STAG1: variants seen among roughly 807,000 people sequenced by gnomAD.
STAG1 encodes the protein cohesin subunit SA-1.
A neutral mutation model predicts 170.9 loss-of-function variants in STAG1; 26 were observed. The observed-to-expected ratio is 0.15, with a 90% CI of 0.11 to 0.21. STAG1 has a LOEUF of 0.21. Ranked by LOEUF, STAG1 falls within the 10% of genes least tolerant of loss-of-function variation. STAG1 has a pLI of 1.00. For synonymous variants in STAG1, 514 were observed against 497.7 expected, an observed-to-expected ratio of 1.03 and a Z score of -0.44; for missense variants, 964 against 1,509.5, an observed-to-expected ratio of 0.64 and a Z score of 5.99.
intron 4 of STAG1, among the ~76,000 whole-genome samples, chr3:136,589,094 A>G (rs1375075699): frequency 6.6e-6 from 1 of 151,834 alleles, no homozygotes; most frequent in Non-Finnish European, 1.5e-5. Context: ...TTTCACCACA[A>G]TGGTCAGACT....
chr3:136,745,335 G>A (rs974157324), intron 1 of STAG1, among the ~76,000 whole-genome samples: 1 of 152,116 alleles, frequency 6.6e-6, no homozygotes, highest in African/African-American at 2.4e-5. Context: ...CAAACGGGGG[G>A]CAGGGAAGAA....
chr3:136,423,074 T>A, intron 16 of STAG1, 30 bp from the exon 17 acceptor site: 2 of 1,461,438 alleles, frequency 1.4e-6, no homozygotes, highest in South Asian at 1.2e-5. Context: ...AGAAGAAGAG[T>A]ATTGTGTTAA....
chr3:136,499,608 A>T (rs1933356388), intron 9 of STAG1, among the ~76,000 whole-genome samples: 2 of 152,212 alleles, frequency 1.3e-5, no homozygotes, highest in Non-Finnish European at 2.9e-5. Flanking sequence ...CTCAATGTAA[A>T]ATATGCTCTT....
intron 15 of STAG1, among the ~76,000 whole-genome samples, chr3:136,439,386 C>T (rs950704515): frequency 3.5e-4 from 42 of 121,618 alleles, no homozygotes; most frequent in South Asian, 5.3e-4. Context: ...TAAAACACCC[C>T]CCGACACACA....
At chr3:136,691,371 C>T (rs1942716110) in intron 1 of STAG1, among the ~76,000 whole-genome samples, 1 of 151,302 alleles carries the variant, frequency 6.6e-6, no homozygotes, top group Non-Finnish European at 1.5e-5. Flanking sequence ...GGAGGTGGAG[C>T]TTGCGGTGAG....
intron 6 of STAG1, among the ~76,000 whole-genome samples, chr3:136,527,882 G>A (rs892033175): frequency 4.6e-5 from 7 of 152,160 alleles, no homozygotes; most frequent in East Asian, 1.9e-4. Context: ...TATCAGCAGC[G>A]GATGCTGCAG....
intron 20 of STAG1, among the ~76,000 whole-genome samples, chr3:136,419,585 C>T (rs1328077014): frequency 2.0e-5 from 3 of 151,172 alleles, no homozygotes; most frequent in East Asian, 1.9e-4. Flanking sequence ...GCTGGGAATA[C>T]AGGCGTGTGC....
chr3:136,623,277 C>G (rs1939945668), intron 2 of STAG1, 29 bp from the exon 3 acceptor site: 2 of 1,587,732 alleles, frequency 1.3e-6, no homozygotes, highest in Non-Finnish European at 1.7e-6. Context: ...TTTTAGCGAA[C>G]AAATTAATAA....
chr3:136,484,321 G>T (rs1431801020), intron 9 of STAG1, among the ~76,000 whole-genome samples: 43 of 150,740 alleles, frequency 2.9e-4, no homozygotes, highest in African/African-American at 1.0e-3. Flanking sequence ...CTGCAGGTCT[G>T]TTGGAATACC....
intron 4 of STAG1, among the ~76,000 whole-genome samples, chr3:136,577,005 G>T (rs184165432): frequency 4.9e-4 from 75 of 152,306 alleles, no homozygotes; most frequent in Non-Finnish European, 3.2e-4. Context: ...GCTAGTAATC[G>T]ATGTCATATA....
chr3:136,443,388 G>C lies in STAG1; in HGVS notation c.1445C>G (p.Ala482Gly). 1 of 1,609,874 alleles carries C rather than the reference G, an allele frequency of 6.2e-7. No homozygotes were observed. Among genetic ancestry groups the C allele is most frequent in the Non-Finnish European group, 8.5e-7 (1 of 1,178,184 alleles). The change falls in exon 15 of 34, where the codon GCC becomes GGC. Residue 482 changes from alanine to glycine, a missense_variant. Ala to Gly is a moderately conservative substitution (Grantham distance 60). Around this residue, in one of 11 missense-constraint regions of STAG1, gnomAD observed 162 missense variants for 211.2 expected, o/e 0.77. Transcript: ENST00000383202. ...FLESELHEHA[A>G]YLVDSLWESS... ...CTCCCATAAACTGTCCACCAAGTAGGCTGCATGTTCATGTAACTAAAAAGA... is the reference window on the plus strand; with the variant it reads ...CTCCCATAAACTGTCCACCAAGTAGCCTGCATGTTCATGTAACTAAAAAGA...
intron 7 of STAG1, among the ~76,000 whole-genome samples, chr3:136,515,061 TA>T (rs551443041): frequency 6.5e-4 from 97 of 149,556 alleles, no homozygotes; most frequent in Middle Eastern, 3.4e-3. Context: ...AAAGTATAAT[TA>T]AAAAAAAAAT....
intron 6 of STAG1, among the ~76,000 whole-genome samples, chr3:136,522,448 A>T (rs1934728262): frequency 6.6e-6 from 1 of 152,206 alleles, no homozygotes. Flanking sequence ...TAGACTAGAA[A>T]GAAAAGATGC....
intron 5 of STAG1, among the ~76,000 whole-genome samples, chr3:136,544,702 T>C (rs1053463874): frequency 4.0e-5 from 6 of 151,454 alleles, no homozygotes; most frequent in Non-Finnish European, 7.4e-5. Context: ...GAGACTGAGG[T>C]TGCAGTAAGT....
chr3:136,495,954 G>A (rs1286460578), intron 9 of STAG1, among the ~76,000 whole-genome samples: 2 of 128,910 alleles, frequency 1.6e-5, no homozygotes, highest in African/African-American at 5.7e-5. Flanking sequence ...CTGGGTGACA[G>A]AGCAAGACTC....
intron 6 of STAG1, among the ~76,000 whole-genome samples, chr3:136,534,345 A>C (rs1215220648): frequency 2.6e-5 from 4 of 152,240 alleles, no homozygotes; most frequent in Non-Finnish European, 5.9e-5. Flanking sequence ...TGGTCTAGGC[A>C]AATAATTTAT....
Position 136,485,637 on chromosome 3 carries a change from A to G in STAG1, c.903-8225T>C, listed in dbSNP as rs568252113. ...ATCCACTGCTCAGCTAAGAAATATA[A>G]TACAGTTAAAAATTCCTATATACGT... is the stretch of plus-strand genomic sequence containing the variant. On this transcript the variant is annotated intron_variant, in intron 9 of 33. Coordinates refer to ENST00000383202, the MANE Select transcript of STAG1 (RefSeq NM_005862.3). Among the ~76,000 whole-genome samples the G allele has an allele frequency of 2.4e-4, 36 of 152,350 alleles. 1 individual carries two copies. The South Asian group carries it at 5.8e-3, about 25-fold the overall frequency.
Position 136,501,098 on chromosome 3 carries a change from G to C in STAG1, c.829-802C>G, listed in dbSNP as rs559017093. ...TTTGTTTCAGGCTTTACTAAAATAA[G>C]TTTGGGAATACTTTTATTGCAAAAT... is the stretch of plus-strand genomic sequence containing the variant. On this transcript the variant is annotated intron_variant, in intron 8 of 33. Coordinates refer to ENST00000383202, the MANE Select transcript of STAG1 (RefSeq NM_005862.3). Among the ~76,000 whole-genome samples, 27 of 152,210 alleles carry C rather than the reference G, an allele frequency of 1.8e-4. No homozygotes were observed. The East Asian group carries it at 5.2e-3, about 29-fold the overall frequency.
At chr3:136,724,189 A>T (rs575240257) in intron 1 of STAG1, among the ~76,000 whole-genome samples, 1 of 152,120 alleles carries the variant, frequency 6.6e-6, no homozygotes, top group South Asian at 2.1e-4. Context: ...AAGGATTGAG[A>T]AATCGGATGG....
Sources: allele counts gnomAD v4.1 joint callset (sites outside exome capture counted in the v4.1 genomes callset), GRCh38; gene constraint gnomAD v4.1.1; regional missense constraint gnomAD v4.1.1; transcripts MANE v1.5; gene names NCBI Gene and HGNC (gene_info 2026-07-23, HGNC 2026-07-21).